Variants in CYP39A1 observed in about 807,000 individuals in gnomAD.
CYP39A1 encodes cytochrome P450 family 39 subfamily A member 1.
A neutral mutation model predicts 58.1 loss-of-function variants in CYP39A1; 49 were observed. That is an observed-to-expected ratio of 0.84 (90% CI 0.67 to 1.07). The LOEUF (loss-of-function observed/expected upper bound fraction) is 1.07. Ranked by LOEUF, CYP39A1 falls within the 50% of genes least tolerant of loss-of-function variation. The pLI, the probability that CYP39A1 is intolerant of heterozygous loss-of-function variation, is 0.00. For missense variants in CYP39A1, 531 were observed against 539.4 expected (o/e 0.98, Z 0.16); for synonymous variants, 209 against 187.6 (o/e 1.11, Z -0.93).
intron 10 of CYP39A1, among the ~76,000 whole-genome samples, chr6:46,559,502 C>T (rs1350369439): frequency 6.6e-6 from 1 of 152,176 alleles, no homozygotes; most frequent in Non-Finnish European, 1.5e-5. Flanking sequence ...AATTTGCTTA[C>T]CCTAAAAATT....
At chr6:46,556,197 C>T (rs1770656232) in intron 10 of CYP39A1, among the ~76,000 whole-genome samples, 1 of 152,072 alleles carries the variant, frequency 6.6e-6, no homozygotes, top group African/African-American at 2.4e-5. Context: ...CAAAGATCTC[C>T]AGAGGAAGTA....
intron 10 of CYP39A1, among the ~76,000 whole-genome samples, chr6:46,569,762 T>C (rs1200976192): frequency 1.3e-5 from 2 of 152,110 alleles, no homozygotes; most frequent in African/African-American, 2.4e-5. Flanking sequence ...TGCTGTTGAA[T>C]ACAGGTGCTA....
chr6:46,581,297 G>A (rs1052471367), intron 10 of CYP39A1, among the ~76,000 whole-genome samples: 1 of 151,916 alleles, frequency 6.6e-6, no homozygotes, highest in Non-Finnish European at 1.5e-5. Context: ...TGTAGGCCCA[G>A]TGACTCAGGA....
At chr6:46,598,314 A>G (rs1015398746) in intron 7 of CYP39A1, among the ~76,000 whole-genome samples, 2 of 152,212 alleles carry the variant, frequency 1.3e-5, no homozygotes, top group Non-Finnish European at 2.9e-5. Context: ...ATAACTAGCT[A>G]TATAAATTAG....
At chr6:46,625,316 T>C (rs1775244691) in intron 7 of CYP39A1, 102 bp downstream of exon 7, 1 of 773,008 alleles carries the variant, frequency 1.3e-6, no homozygotes, top group Admixed American at 2.7e-5. Context: ...GAATTTTGGA[T>C]TATGTTGAAT....
At chr6:46,628,174 T>A (rs1301386536) in intron 6 of CYP39A1, among the ~76,000 whole-genome samples, 2 of 152,244 alleles carry the variant, frequency 1.3e-5, no homozygotes, top group East Asian at 3.8e-4. Context: ...GGAGTCTTCA[T>A]ACCATGCCAG....
chr6:46,646,030 G>A (rs1762300144), intron 1 of CYP39A1, among the ~76,000 whole-genome samples: 1 of 151,942 alleles, frequency 6.6e-6, no homozygotes, highest in Non-Finnish European at 1.5e-5. Context: ...GACTCCTTGG[G>A]ATTTTCTACA....
intron 6 of CYP39A1, among the ~76,000 whole-genome samples, chr6:46,628,957 T>C (rs1248439438): frequency 6.6e-6 from 1 of 152,222 alleles, no homozygotes; most frequent in Non-Finnish European, 1.5e-5. Flanking sequence ...CTTACCAAAA[T>C]AATCCTTACA....
rs796578990 is a variant in CYP39A1 at position 46,642,234 on chromosome 6, C to T, written c.242G>A (p.Gly81Glu). Reference protein sequence around the residue: ...NRMTFVTEEEGINVFLKSKKV... With the variant: ...NRMTFVTEEEEINVFLKSKKV... ...TTTGGATTTTAGAAACACATTAATT[C>T]CTTCTTCTTCAGTAACAAAGGTCAT... Residue 81 changes from glycine to glutamate, a missense_variant, in exon 2 of 12, where the codon GGA becomes GAA. Gly to Glu is a moderately conservative substitution (Grantham distance 98). Transcript: ENST00000275016. 6.2e-7 allele frequency: 1 copy of T among 1,612,544 alleles called. No homozygotes were observed.
intron 11 of CYP39A1, among the ~76,000 whole-genome samples, chr6:46,551,707 C>T (rs536602097): frequency 9.9e-5 from 15 of 152,196 alleles, no homozygotes; most frequent in African/African-American, 2.6e-4. Flanking sequence ...GAGTTGGTTT[C>T]CAAGTCCACT....
At chr6:46,550,530 A>G (rs1446586045) in intron 11 of CYP39A1, 93 bp from the exon 12 acceptor site, 1 of 1,168,512 alleles carries the variant, frequency 8.6e-7, no homozygotes, top group African/African-American at 1.6e-5. Flanking sequence ...TTCTCTAAAA[A>G]GTACAAAATT....
intron 2 of CYP39A1, among the ~76,000 whole-genome samples, chr6:46,641,307 CAAAT>C (rs1420977897): frequency 2.2e-4 from 33 of 151,984 alleles, no homozygotes; most frequent in Admixed American, 1.2e-3. Context: ...ACTAAATAAT[CAAAT>C]AATTTCACCA....
intron 7 of CYP39A1, among the ~76,000 whole-genome samples, chr6:46,615,353 T>C (rs1008591360): frequency 1.3e-5 from 2 of 152,044 alleles, no homozygotes; most frequent in Admixed American, 6.6e-5. Flanking sequence ...TCTGTGTGTA[T>C]ATATACAAAT....
intron 7 of CYP39A1, among the ~76,000 whole-genome samples, chr6:46,614,419 G>T (rs7758684): frequency 0.31 from 47,199 of 152,030 alleles, 9,186 homozygotes; most frequent in African/African-American, 0.55. Flanking sequence ...CACAAGAACC[G>T]GCTGGATTCA....
chr6:46,587,226 T>A, intron 9 of CYP39A1, 61 bp from the exon 10 acceptor site: 1 of 1,107,710 alleles, frequency 9.0e-7, no homozygotes. Flanking sequence ...TTAACTTTAT[T>A]TCTCTAGGCT....
At chr6:46,609,047 T>G (rs966515302) in intron 7 of CYP39A1, among the ~76,000 whole-genome samples, 1 of 152,196 alleles carries the variant, frequency 6.6e-6, no homozygotes, top group Non-Finnish European at 1.5e-5. Flanking sequence ...TTTTGTACAA[T>G]TATTCTTTTA....
At chr6:46,597,607 A>G (rs1773246314) in intron 7 of CYP39A1, among the ~76,000 whole-genome samples, 1 of 152,160 alleles carries the variant, frequency 6.6e-6, no homozygotes, top group African/African-American at 2.4e-5. Context: ...TGGATATTTT[A>G]GGCAAAGAGG....
At chr6:46,612,652 T>C (rs528884320) in intron 7 of CYP39A1, among the ~76,000 whole-genome samples, 2 of 152,318 alleles carry the variant, frequency 1.3e-5, no homozygotes, top group African/African-American at 4.8e-5. Flanking sequence ...CCCGAATCTC[T>C]GTGTTAGGTT....
At chr6:46,613,484 A>G (rs1440145004) in intron 7 of CYP39A1, among the ~76,000 whole-genome samples, 1 of 152,224 alleles carries the variant, frequency 6.6e-6, no homozygotes, top group Non-Finnish European at 1.5e-5. Context: ...GTAAAATAGG[A>G]ATCATTTCTA....
Sources: gnomAD v4.1 joint callset for allele counts (sites outside exome capture counted in the v4.1 genomes callset) on GRCh38, gnomAD v4.1.1 for gene constraint, MANE v1.5 for transcripts, NCBI Gene and HGNC (gene_info 2026-07-23, HGNC 2026-07-21) for gene names.